Variants in MMP27 observed in about 807,000 individuals in gnomAD.
MMP27 encodes the protein matrix metallopeptidase 27.
Under a neutral mutation model 48.1 loss-of-function variants are expected in MMP27, and 51 were observed. The ratio of observed to expected loss-of-function variants is 1.06; its 90% confidence interval spans 0.85 to 1.34. The LOEUF is 1.34. MMP27 is among the 40% of genes most tolerant of loss of function. The probability of loss-of-function intolerance (pLI) is 0.00; values close to 1 mark genes in which losing one functional copy is unlikely to be tolerated. For synonymous variants in MMP27, 229 were observed against 208.9 expected (o/e 1.10, Z -0.83); for missense variants, 698 against 619.3 (o/e 1.13, Z -1.35).
intron 6 of MMP27, 122 bp downstream of exon 6, chr11:102,696,249 G>T: frequency 1.1e-6 from 1 of 939,622 alleles, no homozygotes. Flanking sequence ...AGTATAGGCA[G>T]TTATAAAATG....
At chr11:102,702,438 C>T (rs1860956885) in intron 4 of MMP27, among the ~76,000 whole-genome samples, 1 of 152,236 alleles carries the variant, frequency 6.6e-6, no homozygotes, top group Non-Finnish European at 1.5e-5. Flanking sequence ...GGATCATGAA[C>T]CTCTGAAGGC....
chr11:102,693,984 C>G lies in MMP27; in HGVS notation c.1115G>C (p.Arg372Pro). The change falls in exon 8 of 10, where the codon CGT (arginine) becomes CCT (proline). Residue 372 changes from arginine (R) to proline (P), a missense_variant. Arg to Pro is a moderately radical substitution (Grantham distance 103). Transcript: ENST00000260229. ...KSIHTLGFPG[R>P]VKKIDAAVCD... ...GACGGCTGCATCTATTTTCTTCACA[C>G]GTCCTGGAAAACCTAATGTATGGAT... 1 of 1,611,452 alleles carries G rather than the reference C, an allele frequency of 6.2e-7. No individual in the cohort carries two copies. Among genetic ancestry groups the G allele is most frequent in the Non-Finnish European group, 8.5e-7 (1 of 1,178,650 alleles).
At chr11:102,703,544 A>G (rs1362971332) in intron 2 of MMP27, among the ~76,000 whole-genome samples, 2 of 151,328 alleles carry the variant, frequency 1.3e-5, no homozygotes, top group Non-Finnish European at 2.9e-5. Flanking sequence ...TTTTTTTGAG[A>G]CAGAGTCTCG....
chr11:102,695,718 C>T (rs189256505), intron 6 of MMP27, among the ~76,000 whole-genome samples: 2 of 152,122 alleles, frequency 1.3e-5, no homozygotes, highest in East Asian at 3.9e-4. Context: ...TTCCTTTTGC[C>T]CCTATATCTT....
In MMP27 at chr11:102,696,514, A is replaced by G. The variant is rs1291828387; in HGVS notation, c.782-23T>C. The stretch of plus-strand genomic sequence containing the variant: ...CTCCTTTGATGAGAAAAAAAATACC[A>G]CAATGAATTAAGAGGGCATGAAGAA... On this transcript the variant is annotated intron_variant, in intron 5 of 9. Coordinates refer to ENST00000260229, the MANE Select transcript of MMP27 (RefSeq NM_022122.3). 4.3e-6 allele frequency: 7 copies of G among 1,611,830 alleles called. No homozygotes were observed. In the Admixed American group the frequency reaches 1.0e-4, roughly 23 times the overall value.
intron 4 of MMP27, among the ~76,000 whole-genome samples, chr11:102,700,834 A>G (rs1218086910): frequency 1.3e-5 from 2 of 152,238 alleles, no homozygotes; most frequent in Non-Finnish European, 2.9e-5. Context: ...GTCCTCTGAC[A>G]TCCCCATGCG....
intron 4 of MMP27, among the ~76,000 whole-genome samples, chr11:102,700,378 T>G (rs1259836766): frequency 6.6e-6 from 1 of 152,248 alleles, no homozygotes; most frequent in African/African-American, 2.4e-5. Context: ...AGAATGTAAT[T>G]CCACCCTAGT....
chr11:102,698,060 ATTCT>A (rs1259875075), intron 4 of MMP27, among the ~76,000 whole-genome samples: 2 of 152,064 alleles, frequency 1.3e-5, no homozygotes, highest in African/African-American at 4.8e-5. Flanking sequence ...ACAGTTACCT[ATTCT>A]TTCTTTCTTT....
rs757682088 is a variant in MMP27, at chr11:102,704,716, C to T, written c.162G>A (p.Lys54=). Residue 54 remains lysine (K), a synonymous_variant, in exon 2 of 10, where the codon AAG becomes AAA. Transcript: ENST00000260229. ...EIEGNHLVQS[K]NRSLIDDKIR... ...TTTTGTCATCTATGAGACTCCTATT[C>T]TTGCTTTGAACAAGATGATTCCCTT... is the stretch of plus-strand genomic sequence containing the variant. The T allele has an allele frequency of 2.5e-6, 4 of 1,613,618 alleles. No individual in the cohort carries two copies. The Admixed American group carries it at 5.0e-5, about 20-fold the overall frequency.
chr11:102,692,928 C>T lies in MMP27; in HGVS notation c.1297+10G>A, dbSNP rs1220329727. 1.9e-6 allele frequency: 3 copies of T among 1,604,678 alleles called. No homozygotes were observed. The highest frequency in any genetic ancestry group is 2.6e-6 in the Non-Finnish European group (3 of 1,172,392). On this transcript the variant is annotated intron_variant, in intron 9 of 9. Coordinates refer to ENST00000260229, the MANE Select transcript of MMP27 (RefSeq NM_022122.3). ...TCAAGTATCCCAATAAGTGAGACAT[C>T]CATGCTTACCTTTGTACTGGAAAGC...
intron 4 of MMP27, 122 bp downstream of exon 4, chr11:102,702,631 A>G: frequency 8.7e-7 from 1 of 1,149,152 alleles, no homozygotes; most frequent in Non-Finnish European, 1.2e-6. Flanking sequence ...GTCATCTTGG[A>G]ATATGGAAAA....
Position 102,703,061 on chromosome 11 carries a change from T to G in MMP27, c.399A>C (p.Glu133Asp), listed in dbSNP as rs762265317. ...ARAAVDEAIQ[E>D]GLEVWSKVTP... ...TGACTTTGCTCCACACTTCTAAACC[T>G]TCTTGGATAGCCTCATCCACAGCAG... Residue 133 changes from glutamate to aspartate, a missense_variant, in exon 3 of 10, where the codon GAA becomes GAC. Transcript: ENST00000260229. 3.3e-5 allele frequency: 53 copies of G among 1,614,196 alleles called. No homozygotes were observed. Among genetic ancestry groups the G allele is most frequent in the Non-Finnish European group, 4.3e-5 (51 of 1,180,016 alleles).
chr11:102,694,604 C>CA (rs1264304770), intron 7 of MMP27, among the ~76,000 whole-genome samples: 1 of 151,486 alleles, frequency 6.6e-6, no homozygotes, highest in African/African-American at 2.4e-5. Flanking sequence ...ATATATATAC[C>CA]AAAAAATTAT....
intron 4 of MMP27, among the ~76,000 whole-genome samples, chr11:102,700,080 G>T (rs1340528414): frequency 1.3e-5 from 2 of 152,164 alleles, no homozygotes; most frequent in Admixed American, 1.3e-4. Flanking sequence ...TTGTCTATGT[G>T]TCCCTTAGAC....
rs139425830 is a variant in MMP27, at chr11:102,703,721, G to A, written c.342-603C>T. Among the ~76,000 whole-genome samples the A allele has an allele frequency of 2.0e-3, 311 of 152,032 alleles. 1 individual carries two copies. Among genetic ancestry groups the A allele is most frequent in the African/African-American group, 6.8e-3 (282 of 41,482 alleles). On this transcript the variant is annotated intron_variant, in intron 2 of 9. Transcript: ENST00000260229. ...TGTTTTTTAGTAGAGATGGGGTTTT[G>A]CCACGTTTGCCAGGCTGGTCTCAAA...
Position 102,703,031 on chromosome 11 carries a change from T to C in MMP27, c.429A>G (p.Pro143=), listed in dbSNP as rs1424045123. Residue 143 remains proline (P), a synonymous_variant, in exon 3 of 10, where the codon CCA becomes CCG. Transcript: ENST00000260229. ...CCTTTGAAATCTTGGTGAATTTTAGTGGAGTGACTTTGCTCCACACTTCTA... is the reference window on the plus strand; with the variant it reads ...CCTTTGAAATCTTGGTGAATTTTAGCGGAGTGACTTTGCTCCACACTTCTA... ...EGLEVWSKVT[P]LKFTKISKGI... The C allele has an allele frequency of 6.2e-7, 1 of 1,614,200 alleles. No homozygotes were observed. Among genetic ancestry groups the C allele is most frequent in the Non-Finnish European group, 8.5e-7 (1 of 1,180,008 alleles).
chr11:102,698,265 G>A (rs1202295022), intron 4 of MMP27, among the ~76,000 whole-genome samples: 2 of 152,130 alleles, frequency 1.3e-5, no homozygotes, highest in African/African-American at 2.4e-5. Flanking sequence ...AAACATGTGA[G>A]TAATGTGTTG....
Position 102,693,027 on chromosome 11 carries a change from G to A in MMP27, c.1208C>T (p.Thr403Ile). 6.2e-7 allele frequency: 1 copy of A among 1,613,206 alleles called. No individual in the cohort carries two copies. The highest frequency in any genetic ancestry group is 8.5e-7 in the Non-Finnish European group (1 of 1,179,434). Residue 403 changes from threonine to isoleucine, a missense_variant, in exon 9 of 10, where the codon ACC becomes ATC. Thr to Ile is a moderately conservative substitution (Grantham distance 89, BLOSUM62 -1). Transcript: ENST00000260229. Reference protein sequence around the residue: ...GIWCWRFDEMTQTMDKGFPQR... With the variant: ...GIWCWRFDEMIQTMDKGFPQR... The stretch of plus-strand genomic sequence containing the variant: ...CGGGAACCCTTTGTCCATGGTTTGG[G>A]TCATTTCATCAAACCTGCATACAAG...
At chr11:102,700,489 A>T (rs369526547) in intron 4 of MMP27, among the ~76,000 whole-genome samples, 6 of 152,308 alleles carry the variant, frequency 3.9e-5, no homozygotes, top group African/African-American at 7.2e-5. Flanking sequence ...AGGGGTTTTC[A>T]CCTTTATTAA....
Sources: allele counts gnomAD v4.1 joint callset (sites outside exome capture counted in the v4.1 genomes callset), GRCh38; gene constraint gnomAD v4.1.1; transcripts MANE v1.5; gene names NCBI Gene and HGNC (gene_info 2026-07-23, HGNC 2026-07-21).